COXFA4L3: variants seen among roughly 807,000 people sequenced by gnomAD.
The protein encoded by COXFA4L3 is cytochrome c oxidase associated subunit FA4L3.
the COXFA4L3 span, chr15:45,431,179 G>C: frequency 9.5e-7 from 1 of 1,049,686 alleles, no homozygotes; most frequent in Non-Finnish European, 1.4e-6. Context: ...TTTTCCCATG[G>C]ATGAGAATGC....
At chr15:45,432,325 A>G in the COXFA4L3 span, among the ~76,000 whole-genome samples, 2 of 152,256 alleles carry the variant, frequency 1.3e-5, no homozygotes, top group Non-Finnish European at 2.9e-5. Context: ...TGAGAAGCAT[A>G]TACACTTTTG....
chr15:45,431,343 T>C, the COXFA4L3 span: 4 of 368,282 alleles, frequency 1.1e-5, no homozygotes, highest in Admixed American at 4.4e-5. Context: ...TTATTTCTTG[T>C]GTTTATTCTT....
the COXFA4L3 span, chr15:45,431,992 C>G: frequency 7.9e-7 from 1 of 1,268,330 alleles, no homozygotes; most frequent in Non-Finnish European, 1.1e-6. Context: ...GGTTTTGTCC[C>G]TAACATGTTT....
the COXFA4L3 span, chr15:45,432,945 C>A: frequency 6.3e-7 from 1 of 1,590,878 alleles, no homozygotes; most frequent in Middle Eastern, 1.7e-4. Flanking sequence ...TTTTTCTCTT[C>A]AGCTTATAAC....
At chr15:45,432,638 C>G in the COXFA4L3 span, among the ~76,000 whole-genome samples, 1 of 152,172 alleles carries the variant, frequency 6.6e-6, no homozygotes, top group Non-Finnish European at 1.5e-5. Context: ...GCACTCCAGC[C>G]TGGGCAACAC....
At chr15:45,431,087 G>A in the COXFA4L3 span, 2 of 1,612,558 alleles carry the variant, frequency 1.2e-6, no homozygotes, top group Non-Finnish European at 8.5e-7. Context: ...CCGATGTGAT[G>A]TAAGTAGGTC....
chr15:45,431,946 C>T, the COXFA4L3 span: 1 of 748,008 alleles, frequency 1.3e-6, no homozygotes, highest in Non-Finnish European at 2.2e-6. Context: ...CTGATGGTTC[C>T]TGATCATTAG....
chr15:45,433,094 A>C, the COXFA4L3 span: 1 of 1,391,816 alleles, frequency 7.2e-7, no homozygotes, highest in Non-Finnish European at 1.0e-6. Context: ...GATTCTGGAC[A>C]CCAGTGTGCG....
the COXFA4L3 span, chr15:45,433,114 C>A: frequency 8.0e-7 from 1 of 1,250,206 alleles, no homozygotes; most frequent in Non-Finnish European, 1.2e-6. Context: ...GGAAATGCTT[C>A]TGCTACATTT....
the COXFA4L3 span, chr15:45,430,822 AAAGG>A: frequency 9.8e-5 from 158 of 1,611,300 alleles, no homozygotes; most frequent in African/African-American, 1.1e-3. Context: ...CTCCTGATGA[AAAGG>A]AAGGAAGTAA....
the COXFA4L3 span, chr15:45,430,698 G>A: frequency 1.4e-5 from 17 of 1,194,852 alleles, no homozygotes; most frequent in East Asian, 2.4e-4. Flanking sequence ...CCGGCCCGCA[G>A]TTGGCCTGCG....
the COXFA4L3 span, chr15:45,433,245 TTTG>T: frequency 6.3e-6 from 3 of 479,850 alleles, no homozygotes; most frequent in Non-Finnish European, 1.2e-5. Flanking sequence ...TATTGAAATT[TTTG>T]TTTATGATCT....
chr15:45,432,962 C>T, the COXFA4L3 span: 1 of 1,611,830 alleles, frequency 6.2e-7, no homozygotes, highest in Non-Finnish European at 8.5e-7. Context: ...TAACAATCAA[C>T]CAACAATGGA....
chr15:45,431,989 TC>T, the COXFA4L3 span: 2 of 1,203,354 alleles, frequency 1.7e-6, no homozygotes, highest in Non-Finnish European at 2.4e-6. Flanking sequence ...ACTGGTTTTG[TC>T]CCTAACATGT....
chr15:45,431,311 C>A, the COXFA4L3 span: 1 of 434,476 alleles, frequency 2.3e-6, no homozygotes, highest in South Asian at 5.0e-5. Context: ...TTAAAAAAAC[C>A]CATGATATTA....
the COXFA4L3 span, chr15:45,432,269 A>T: frequency 1.5e-6 from 1 of 681,420 alleles, no homozygotes. Flanking sequence ...AAAATGAGGA[A>T]ATTTTAAGAG....
At chr15:45,432,107 C>T in the COXFA4L3 span, 134 of 1,613,500 alleles carry the variant, frequency 8.3e-5, no homozygotes, top group Non-Finnish European at 1.1e-4. Flanking sequence ...CCTTGGGAAA[C>T]TGTGGACCCT....
chr15:45,432,847 C>T, the COXFA4L3 span: 2 of 905,298 alleles, frequency 2.2e-6, no homozygotes, highest in Non-Finnish European at 3.4e-6. Context: ...AATGGTGATG[C>T]TTTTTCTAAA....
At chr15:45,431,767 C>T in the COXFA4L3 span, among the ~76,000 whole-genome samples, 1 of 152,196 alleles carries the variant, frequency 6.6e-6, no homozygotes. Flanking sequence ...TATTGCATGT[C>T]CTTGGCTTGG....
Sources: allele counts gnomAD v4.1 joint callset (sites outside exome capture counted in the v4.1 genomes callset), GRCh38; gene constraint gnomAD v4.1.1; transcripts MANE v1.5; gene names NCBI Gene and HGNC (gene_info 2026-07-23, HGNC 2026-07-21).